ZNF282: variants seen among roughly 807,000 people sequenced by gnomAD.
The protein encoded by ZNF282 is zinc finger protein 282.
In ZNF282, 30 loss-of-function variants were observed where a neutral mutation model predicts 61.9. That is an observed-to-expected ratio of 0.48 (90% CI 0.36 to 0.66). ZNF282 has a LOEUF of 0.66. Among genes scored for constraint, ZNF282 ranks in the 30% least tolerant of loss-of-function variants. The pLI, the probability that ZNF282 is intolerant of heterozygous loss-of-function variation, is 0.00. For missense variants in ZNF282, 788 were observed against 941.4 expected, an observed-to-expected ratio of 0.84 and a Z score of 2.13; for synonymous variants, 396 against 405.0, an observed-to-expected ratio of 0.98 and a Z score of 0.27.
intron 7 of ZNF282, among the ~76,000 whole-genome samples, chr7:149,220,388 C>T (rs113425743): frequency 0.12 from 18,381 of 151,610 alleles, 1,892 homozygotes; most frequent in African/African-American, 0.29. Flanking sequence ...CTCCAGCCTG[C>T]GCAACTGAGC....
Position 149,210,657 on chromosome 7 carries a change from G to T in ZNF282, c.905G>T (p.Gly302Val), listed in dbSNP as rs1585568111. 3 of 1,611,170 alleles carry T rather than the reference G, an allele frequency of 1.9e-6. No individual in the cohort carries two copies. Among genetic ancestry groups the T allele is most frequent in the Non-Finnish European group, 2.5e-6 (3 of 1,179,042 alleles). The change falls in exon 5 of 8, where the codon GGT (glycine) becomes GTT (valine). Residue 302 changes from glycine (G) to valine (V), a missense_variant. By Grantham distance (109) the Gly-to-Val change is moderately radical. Transcript: ENST00000610704. ...VKREDTLCVRGQRGLEERAIP... is the reference protein window; with the variant it reads ...VKREDTLCVRVQRGLEERAIP... ...CGTGAGGACACCCTGTGTGTCCGGG[G>T]TCAGCGGGGCCTGGAGGAAAGAGCC... is the stretch of plus-strand genomic sequence containing the variant.
In ZNF282 at chr7:149,195,638, G is replaced by A; in HGVS notation, c.49G>A (p.Gly17Ser). Residue 17 changes from glycine to serine, a missense_variant, in exon 1 of 8, where the codon GGC becomes AGC. Physicochemically the swap from Gly to Ser is moderately conservative, Grantham distance 56. Coordinates refer to ENST00000610704, the MANE Select transcript of ZNF282 (RefSeq NM_003575.4). ...GCAGCCTCAGCAGCTGGGCATCCAG[G>A]GCCTGGGGCTGGACAGCGGGAGCTG... ...RPQPQQLGIQ[G>S]LGLDSGSWSW... 1 of 1,609,028 alleles carries A rather than the reference G, an allele frequency of 6.2e-7. No individual in the cohort carries two copies. The highest frequency in any genetic ancestry group is 8.5e-7 in the Non-Finnish European group (1 of 1,178,234).
Position 149,224,329 on chromosome 7 carries a change from G to A in ZNF282, c.1698G>A (p.Met566Ile). The change falls in exon 8 of 8, where the codon ATG (methionine) becomes ATA (isoleucine). Residue 566 changes from methionine (M) to isoleucine (I), a missense_variant. Physicochemically the swap from Met to Ile is conservative, Grantham distance 10. Around this residue, in one of 3 missense-constraint regions of ZNF282, gnomAD observed 559 missense variants for 642.0 expected, o/e 0.87. Coordinates refer to ENST00000610704, the MANE Select transcript of ZNF282 (RefSeq NM_003575.4). ...ACTCGGGCCTCATCCGCCACCAGATGACGCACCGCGGCGAGCGGCCCTACA... is the reference window on the plus strand; with the variant it reads ...ACTCGGGCCTCATCCGCCACCAGATAACGCACCGCGGCGAGCGGCCCTACA... ...NCHSGLIRHQ[M>I]THRGERPYKC... is the part of the protein sequence containing the mutation. The A allele has an allele frequency of 6.2e-7, 1 of 1,613,686 alleles. No individual in the cohort carries two copies. The highest frequency in any genetic ancestry group is 8.5e-7 in the Non-Finnish European group (1 of 1,179,918).
In ZNF282 at chr7:149,224,550, G is replaced by C; in HGVS notation, c.1919G>C (p.Arg640Pro). 6.2e-7 allele frequency: 1 copy of C among 1,608,810 alleles called. No homozygotes were observed. Among genetic ancestry groups the C allele is most frequent in the Non-Finnish European group, 8.5e-7 (1 of 1,179,280 alleles). ...TGCGGCGAGTGCGGCAAGAGCTTCC[G>C]CTACAAGGAGTCGCTCAAGGACCAC... is the stretch of plus-strand genomic sequence containing the variant. ...YTCGECGKSF[R>P]YKESLKDHLR... Residue 640 changes from arginine to proline, a missense_variant, in exon 8 of 8, where the codon CGC becomes CCC. Coordinates refer to ENST00000610704, the MANE Select transcript of ZNF282 (RefSeq NM_003575.4).
rs1485645317 is a variant in ZNF282 at position 149,212,592 on chromosome 7, G to GT, written c.1066+123dup. The GT allele has an allele frequency of 1.5e-5, 13 of 850,944 alleles. 1 individual carries two copies. The highest frequency in any genetic ancestry group is 1.5e-4 in the South Asian group (8 of 54,978). 52.7% of individuals were successfully genotyped at this position (850,944 alleles called of 1,614,324 possible). On this transcript the variant is annotated intron_variant, in intron 6 of 7. Transcript: ENST00000610704. ...AAAATTACTTCAGCACTGATTTTTTGTTCTTTGAGACGGAGTCTTGCTCTG... is the reference window on the plus strand; with the variant it reads ...AAAATTACTTCAGCACTGATTTTTTGTTTCTTTGAGACGGAGTCTTGCTCTG...
chr7:149,223,732 C>T (rs1796297705), intron 7 of ZNF282, 80 bp from the exon 8 acceptor site: 10 of 1,360,788 alleles, frequency 7.3e-6, no homozygotes, highest in Non-Finnish European at 8.5e-6. Flanking sequence ...ATAGCATGCT[C>T]CCTGGGCCCC....
chr7:149,223,307 G>A (rs1272194187), intron 7 of ZNF282, among the ~76,000 whole-genome samples: 3 of 151,872 alleles, frequency 2.0e-5, no homozygotes, highest in Non-Finnish European at 4.4e-5. Context: ...AATTAGCTGG[G>A]CCTGGTGGCG....
rs978077227 is a variant in ZNF282, at chr7:149,198,864, C to T, written c.585+112C>T. The T allele has an allele frequency of 4.3e-6, 6 of 1,402,626 alleles. No homozygotes were observed. The highest frequency in any genetic ancestry group is 4.3e-5 in the South Asian group (3 of 70,400). 86.9% of individuals were successfully genotyped at this position (1,402,626 alleles called of 1,614,324 possible). On this transcript the variant is annotated intron_variant, in intron 2 of 7. Transcript: ENST00000610704. This position sits in a 1 kb window ranked among gnomAD's most constrained non-coding sequence, Gnocchi z 4.3. ...ATAAACTTCTCTGGCTCCCCGTTATCCAATTTCAGTGTCTTCTTAAAGCCT... is the reference window on the plus strand; with the variant it reads ...ATAAACTTCTCTGGCTCCCCGTTATTCAATTTCAGTGTCTTCTTAAAGCCT...
At chr7:149,200,786 G>T (rs375134503) in intron 2 of ZNF282, among the ~76,000 whole-genome samples, 6 of 152,098 alleles carry the variant, frequency 3.9e-5, no homozygotes, top group African/African-American at 1.4e-4. Context: ...TAGGGGAGAC[G>T]GGGTTTCACC....
intron 7 of ZNF282, among the ~76,000 whole-genome samples, chr7:149,219,000 G>A (rs1796198705): frequency 1.3e-5 from 2 of 152,160 alleles, no homozygotes; most frequent in African/African-American, 4.8e-5. Flanking sequence ...TTGCCAACCA[G>A]GGAAGTTCGC....
Position 149,224,086 on chromosome 7 carries a change from C to T in ZNF282, c.1455C>T (p.Gly485=), listed in dbSNP as rs1299384412. 3.1e-6 allele frequency: 4 copies of T among 1,288,272 alleles called. No individual in the cohort carries two copies. Among genetic ancestry groups the T allele is most frequent in the South Asian group, 2.1e-5 (1 of 47,298 alleles). The allele number at this position is 1,288,272 out of a possible 1,614,324, so 79.8% of individuals were successfully genotyped here. ...GGGDGGGGGG[G]AEAGTGAGGG... The stretch of plus-strand genomic sequence containing the variant: ...GCGATGGGGGCGGTGGGGGCGGCGG[C>T]GCGGAGGCGGGGACGGGGGCAGGCG... The change falls in exon 8 of 8, where the codon GGC becomes GGT. Residue 485 remains glycine (G), a synonymous_variant. Transcript: ENST00000610704.
At chr7:149,195,831 G>A (rs1476804637) in intron 1 of ZNF282, 77 bp downstream of exon 1, 2 of 1,223,574 alleles carry the variant, frequency 1.6e-6, no homozygotes, top group Non-Finnish European at 2.0e-6. Flanking sequence ...ACCGGGCCGC[G>A]CCGTCCTCCG....
chr7:149,198,402 C>A lies in ZNF282; in HGVS notation c.235C>A (p.Pro79Thr). 1 of 1,614,194 alleles carries A rather than the reference C, an allele frequency of 6.2e-7. No homozygotes were observed. The highest frequency in any genetic ancestry group is 8.5e-7 in the Non-Finnish European group (1 of 1,180,034). Residue 79 changes from proline to threonine, a missense_variant, in exon 2 of 8, where the codon CCT (proline) becomes ACT (threonine). Pro to Thr is a conservative substitution (Grantham distance 38, BLOSUM62 -1). Around this residue, in one of 3 missense-constraint regions of ZNF282, gnomAD observed 137 missense variants for 135.4 expected, o/e 1.01. Coordinates refer to ENST00000610704, the MANE Select transcript of ZNF282 (RefSeq NM_003575.4). This position sits in a 1 kb window ranked among gnomAD's most constrained non-coding sequence, Gnocchi z 4.3. ...GTTCCCACCCTTTCCAGATAGGGCACCTGTCTTCCCCGACCGCATGATGCG... is the reference window on the plus strand; with the variant it reads ...GTTCCCACCCTTTCCAGATAGGGCAACTGTCTTCCCCGACCGCATGATGCG... Reference protein sequence around the residue: ...FQFPPFPDRAPVFPDRMMREP... With the variant: ...FQFPPFPDRATVFPDRMMREP...
chr7:149,204,782 G>A (rs79776466), intron 2 of ZNF282, among the ~76,000 whole-genome samples: 2,632 of 152,310 alleles, frequency 0.017, 44 homozygotes, highest in Middle Eastern at 0.054. Flanking sequence ...GTATGAATTG[G>A]TGGTGGATGT....
At chr7:149,223,153 T>C (rs1041745480) in intron 7 of ZNF282, among the ~76,000 whole-genome samples, 12 of 151,614 alleles carry the variant, frequency 7.9e-5, no homozygotes, top group Non-Finnish European at 1.5e-4. Context: ...TTTGTATTTT[T>C]AGTAGAGACG....
rs944093528 is a variant in ZNF282 at position 149,207,376 on chromosome 7, A to G, written c.738A>G (p.Pro246=). ...SLDAEGSVPK[P]DAPVQAEPRE... Reference sequence around the variant, plus strand: ...ACGCGGAGGGCTCAGTCCCCAAGCCAGATGCTCCAGTCCAGGCTGAGCCCA... The same window carrying G: ...ACGCGGAGGGCTCAGTCCCCAAGCCGGATGCTCCAGTCCAGGCTGAGCCCA... Residue 246 remains proline (P), a synonymous_variant, in exon 4 of 8, where the codon CCA becomes CCG. Transcript: ENST00000610704. 1.9e-6 allele frequency: 3 copies of G among 1,585,616 alleles called. No homozygotes were observed. Among genetic ancestry groups the G allele is most frequent in the Non-Finnish European group, 1.7e-6 (2 of 1,164,294 alleles).
chr7:149,203,162 C>T (rs1795942357), intron 2 of ZNF282, among the ~76,000 whole-genome samples: 1 of 152,212 alleles, frequency 6.6e-6, no homozygotes, highest in Non-Finnish European at 1.5e-5. Flanking sequence ...TTTACGTACA[C>T]ACTGCCCTTT....
intron 2 of ZNF282, among the ~76,000 whole-genome samples, chr7:149,203,487 T>C (rs1333924751): frequency 6.6e-6 from 1 of 152,200 alleles, no homozygotes; most frequent in East Asian, 1.9e-4. Flanking sequence ...ATTAGGACTA[T>C]AGGCACATGC....
chr7:149,213,834 A>G lies in ZNF282; in HGVS notation c.1180+20A>G, dbSNP rs1401745574. The stretch of plus-strand genomic sequence containing the variant: ...GCCCTAGTGAGTAACGTCCCCACCT[A>G]GACCCTGGGGTTTCTTCTCTGGAGC... On this transcript the variant is annotated intron_variant, in intron 7 of 7. Transcript: ENST00000610704. The G allele has an allele frequency of 6.3e-7, 1 of 1,577,442 alleles. No homozygotes were observed. The highest frequency in any genetic ancestry group is 1.1e-5 in the South Asian group (1 of 89,962).
Sources: allele counts gnomAD v4.1 joint callset (sites outside exome capture counted in the v4.1 genomes callset), GRCh38; gene constraint gnomAD v4.1.1; regional missense constraint gnomAD v4.1.1; non-coding constraint Gnocchi (gnomAD v3.1); transcripts MANE v1.5; gene names NCBI Gene and HGNC (gene_info 2026-07-23, HGNC 2026-07-21).